The following LHFPL3 variants were observed in gnomAD, a reference collection of about 807,000 sequenced individuals.
LHFPL3 encodes LHFPL tetraspan subfamily member 3, also known as LHFPL tetraspan subfamily member 3 protein.
A neutral mutation model predicts 19.3 loss-of-function variants in LHFPL3; 5 were observed. That is an observed-to-expected ratio of 0.26 (90% CI 0.14 to 0.54). The LOEUF is 0.54. Ranked by LOEUF, LHFPL3 falls within the 20% of genes least tolerant of loss-of-function variation. The pLI is 0.94. For synonymous variants in LHFPL3, 133 were observed against 126.2 expected (o/e 1.05, Z -0.36); for missense variants, 249 against 307.4 (o/e 0.81, Z 1.42).
intron 2 of LHFPL3, among the ~76,000 whole-genome samples, chr7:104,754,271 T>C (rs1355098895): frequency 2.6e-5 from 4 of 152,172 alleles, no homozygotes; most frequent in African/African-American, 9.7e-5. Context: ...ATCACTTAGA[T>C]AAATTAGAAA....
intron 2 of LHFPL3, 93 bp from the exon 3 acceptor site, chr7:104,906,094 C>T (rs1461791493): frequency 8.2e-7 from 1 of 1,226,576 alleles, no homozygotes; most frequent in Non-Finnish European, 1.2e-6. Context: ...TTTTCCGTGA[C>T]AAATATTATG....
chr7:104,686,179 C>T (rs535387504), intron 1 of LHFPL3, among the ~76,000 whole-genome samples: 1 of 152,310 alleles, frequency 6.6e-6, no homozygotes, highest in South Asian at 2.1e-4. Flanking sequence ...ACCTCAGAAG[C>T]GTGCTATTAT....
intron 1 of LHFPL3, among the ~76,000 whole-genome samples, chr7:104,461,050 TAAAG>T (rs1213131101): frequency 1.3e-5 from 2 of 152,200 alleles, no homozygotes; most frequent in Non-Finnish European, 2.9e-5. Flanking sequence ...GGGTAATTTA[TAAAG>T]AAAGAGGTTT....
chr7:104,489,844 G>C (rs553151799), intron 1 of LHFPL3, among the ~76,000 whole-genome samples: 4 of 152,152 alleles, frequency 2.6e-5, no homozygotes, highest in Non-Finnish European at 5.9e-5. Flanking sequence ...TGGAGGATCA[G>C]TTCAGTTTTA....
At chr7:104,824,360 AT>A (rs541593930) in intron 2 of LHFPL3, among the ~76,000 whole-genome samples, 18 of 22,810 alleles carry the variant, frequency 7.9e-4, no homozygotes, top group Non-Finnish European at 8.8e-4. Context: ...ATAATATATA[AT>A]TATATATATT....
intron 1 of LHFPL3, among the ~76,000 whole-genome samples, chr7:104,632,528 G>C (rs969804359): frequency 1.3e-5 from 2 of 152,202 alleles, no homozygotes; most frequent in African/African-American, 4.8e-5. Flanking sequence ...AGTGAGCAGT[G>C]ACTATTTTAT....
intron 1 of LHFPL3, among the ~76,000 whole-genome samples, chr7:104,723,185 A>G (rs1001438273): frequency 3.3e-5 from 5 of 152,198 alleles, no homozygotes; most frequent in African/African-American, 1.2e-4. Context: ...ACCACTAGCC[A>G]TTTGTGTACT....
chr7:104,457,254 A>C (rs1482364494), intron 1 of LHFPL3, among the ~76,000 whole-genome samples: 1 of 151,712 alleles, frequency 6.6e-6, no homozygotes, highest in Non-Finnish European at 1.5e-5. Flanking sequence ...TATCTCCTCA[A>C]GCTATCCCTC....
At chr7:104,678,169 G>A (rs539111127) in intron 1 of LHFPL3, among the ~76,000 whole-genome samples, 82 of 152,262 alleles carry the variant, frequency 5.4e-4, no homozygotes, top group Non-Finnish European at 1.0e-3. Flanking sequence ...ACTGTGTCAA[G>A]TTCTCATTTC....
rs1414721527 is a variant in LHFPL3, at chr7:104,851,204, G to T, written c.683-54983G>T. Among the ~76,000 whole-genome samples, 5 of 152,194 alleles carry T rather than the reference G, an allele frequency of 3.3e-5. No individual in the cohort carries two copies. In the East Asian group the frequency reaches 9.6e-4, roughly 29 times the overall value. On this transcript the variant is annotated intron_variant, in intron 2 of 2. Coordinates refer to ENST00000424859, the MANE Select transcript of LHFPL3 (RefSeq NM_199000.3). ...TGTAAGGAACATCTCAGTAGTATCTGCATCATAACTCAAAAAAGAAATATT... is the reference window on the plus strand; with the variant it reads ...TGTAAGGAACATCTCAGTAGTATCTTCATCATAACTCAAAAAAGAAATATT...
intron 1 of LHFPL3, among the ~76,000 whole-genome samples, chr7:104,434,293 C>T (rs1014552683): frequency 3.3e-5 from 5 of 152,238 alleles, no homozygotes; most frequent in African/African-American, 1.2e-4. Context: ...CTATTTAGAA[C>T]TATGGAATAT....
chr7:104,457,037 C>T (rs1363397630), intron 1 of LHFPL3, among the ~76,000 whole-genome samples: 2 of 151,900 alleles, frequency 1.3e-5, no homozygotes, highest in African/African-American at 2.4e-5. Context: ...GAGATGTTGC[C>T]AATGAGATGA....
chr7:104,821,276 G>C (rs1790672254), intron 2 of LHFPL3, among the ~76,000 whole-genome samples: 1 of 152,132 alleles, frequency 6.6e-6, no homozygotes, highest in South Asian at 2.1e-4. Context: ...AGGCTGTGTG[G>C]GTCACTCCAA....
intron 1 of LHFPL3, among the ~76,000 whole-genome samples, chr7:104,431,947 G>T (rs990770930): frequency 6.6e-6 from 1 of 152,168 alleles, no homozygotes; most frequent in African/African-American, 2.4e-5. Flanking sequence ...TGTCCAAGGG[G>T]CCAATGAACC....
chr7:104,787,068 T>G (rs1329414463), intron 2 of LHFPL3, among the ~76,000 whole-genome samples: 1 of 152,222 alleles, frequency 6.6e-6, no homozygotes, highest in Non-Finnish European at 1.5e-5. Context: ...TTTTCAGTAC[T>G]GGGCATTGGG....
chr7:104,358,861 T>C (rs1157628344), intron 1 of LHFPL3, among the ~76,000 whole-genome samples: 1 of 152,238 alleles, frequency 6.6e-6, no homozygotes, highest in Non-Finnish European at 1.5e-5. Flanking sequence ...GTGGATCCTT[T>C]CCTCTGTGTA....
chr7:104,456,725 T>C (rs972795423), intron 1 of LHFPL3, among the ~76,000 whole-genome samples: 2 of 152,144 alleles, frequency 1.3e-5, no homozygotes, highest in Admixed American at 1.3e-4. Flanking sequence ...ATAAGAGCTT[T>C]TTGAACGCAA....
At chr7:104,682,318 A>G (rs1406778045) in intron 1 of LHFPL3, among the ~76,000 whole-genome samples, 1 of 152,162 alleles carries the variant, frequency 6.6e-6, no homozygotes, top group Non-Finnish European at 1.5e-5. Context: ...GTGTCATCCC[A>G]GGTTTCACAT....
chr7:104,749,842 G>A (rs1794127952), intron 2 of LHFPL3, among the ~76,000 whole-genome samples: 1 of 152,206 alleles, frequency 6.6e-6, no homozygotes, highest in African/African-American at 2.4e-5. Flanking sequence ...TTAATGGTAT[G>A]GGTTTAGGAG....
Sources: gnomAD v4.1 joint callset for allele counts (sites outside exome capture counted in the v4.1 genomes callset) on GRCh38, gnomAD v4.1.1 for gene constraint, MANE v1.5 for transcripts, NCBI Gene and HGNC (gene_info 2026-07-23, HGNC 2026-07-21) for gene names.